Variants in LRIG1 observed in about 807,000 individuals in gnomAD.
LRIG1 encodes leucine-rich repeats and immunoglobulin-like domains protein 1.
A neutral mutation model predicts 99.2 loss-of-function variants in LRIG1; 48 were observed. The observed-to-expected ratio is 0.48, with a 90% CI of 0.38 to 0.62. The LOEUF is 0.62. Among genes scored for constraint, LRIG1 ranks in the 20% least tolerant of loss-of-function variants. The probability of loss-of-function intolerance (pLI) is 0.00; values close to 1 mark genes in which losing one functional copy is unlikely to be tolerated. For missense variants in LRIG1, 1,646 were observed against 1,434.4 expected, an observed-to-expected ratio of 1.15 and a Z score of -2.38; for synonymous variants, 772 against 596.1, an observed-to-expected ratio of 1.29 and a Z score of -4.30.
intron 3 of LRIG1, among the ~76,000 whole-genome samples, chr3:66,438,229 A>T (rs1703425546): frequency 6.6e-6 from 1 of 152,130 alleles, no homozygotes; most frequent in Non-Finnish European, 1.5e-5. Context: ...CTCCACGCAG[A>T]CTCTGCAACA....
At chr3:66,468,576 AGT>A (rs1218654410) in intron 1 of LRIG1, among the ~76,000 whole-genome samples, 1 of 152,192 alleles carries the variant, frequency 6.6e-6, no homozygotes, top group Non-Finnish European at 1.5e-5. Context: ...ACAGCTGGAA[AGT>A]AAGTGTGAGG....
At chr3:66,493,244 A>G (rs1425337090) in intron 1 of LRIG1, among the ~76,000 whole-genome samples, 1 of 152,182 alleles carries the variant, frequency 6.6e-6, no homozygotes, top group Non-Finnish European at 1.5e-5. Context: ...AGTTTCAATG[A>G]AACCCTGGGA....
At chr3:66,401,690 G>T (rs985796881) in intron 9 of LRIG1, 2 of 1,522,712 alleles carry the variant, frequency 1.3e-6, no homozygotes, top group Non-Finnish European at 8.8e-7. Context: ...GCTGCTGCCA[G>T]GAGAAAGGAG....
In LRIG1 at chr3:66,381,732, T is replaced by A. The variant is rs535967894; in HGVS notation, c.2618-101A>T. The stretch of plus-strand genomic sequence containing the variant: ...AGGCCGCTAGAACAGTCATTTTTTT[T>A]AAAAAGTTCTTCAGAGCGGTGGGGC... On this transcript the variant is annotated intron_variant, in intron 16 of 18. Transcript: ENST00000273261. 1,007 of 1,345,924 alleles carry A rather than the reference T, an allele frequency of 7.5e-4. 3 individuals are homozygous for A. Among genetic ancestry groups the A allele is most frequent in the African/African-American group, 6.3e-3 (430 of 68,666 alleles). 83.4% of individuals were successfully genotyped at this position (1,345,924 alleles called of 1,614,324 possible).
chr3:66,396,085 C>T (rs1701838813), intron 11 of LRIG1, among the ~76,000 whole-genome samples: 1 of 152,238 alleles, frequency 6.6e-6, no homozygotes, highest in South Asian at 2.1e-4. Flanking sequence ...CTACACACGC[C>T]CTGGACGTGT....
chr3:66,421,840 C>T (rs1240367322), intron 3 of LRIG1, among the ~76,000 whole-genome samples: 3 of 152,236 alleles, frequency 2.0e-5, no homozygotes, highest in Non-Finnish European at 4.4e-5. Flanking sequence ...GCCCCTGCAG[C>T]AAACTTCTAC....
intron 1 of LRIG1, among the ~76,000 whole-genome samples, chr3:66,489,308 G>A (rs570941208): frequency 6.6e-6 from 1 of 152,286 alleles, no homozygotes; most frequent in South Asian, 2.1e-4. Context: ...AGGATCACTT[G>A]AGCCCAGGAG....
At chr3:66,410,388 T>A (rs1702426599) in intron 6 of LRIG1, 116 bp from the exon 7 acceptor site, 1 of 983,670 alleles carries the variant, frequency 1.0e-6, no homozygotes, top group Admixed American at 2.4e-5. Flanking sequence ...GCTAGAACAG[T>A]GCACGACAGA....
At chr3:66,480,004 C>T (rs759330264) in intron 1 of LRIG1, among the ~76,000 whole-genome samples, 15 of 152,158 alleles carry the variant, frequency 9.9e-5, no homozygotes, top group African/African-American at 2.7e-4. Flanking sequence ...CAAAAACTTA[C>T]GCACAAATGT....
At chr3:66,441,861 G>A (rs889938058) in intron 3 of LRIG1, among the ~76,000 whole-genome samples, 1 of 152,194 alleles carries the variant, frequency 6.6e-6, no homozygotes, top group Non-Finnish European at 1.5e-5. Context: ...TCCTTGCTCT[G>A]TGACGTTGAG....
At chr3:66,444,097 T>C (rs1232791313) in intron 3 of LRIG1, among the ~76,000 whole-genome samples, 1 of 152,142 alleles carries the variant, frequency 6.6e-6, no homozygotes, top group Non-Finnish European at 1.5e-5. Context: ...AAGGTAAGTG[T>C]GCTAAAACTG....
chr3:66,385,521 C>T (rs544211665), intron 13 of LRIG1, among the ~76,000 whole-genome samples: 5 of 152,068 alleles, frequency 3.3e-5, no homozygotes, highest in Non-Finnish European at 5.9e-5. Context: ...GGAGTGATCT[C>T]GGCTCACTGC....
chr3:66,404,728 A>G (rs748143736), intron 9 of LRIG1, among the ~76,000 whole-genome samples: 9 of 152,154 alleles, frequency 5.9e-5, no homozygotes, highest in Non-Finnish European at 1.0e-4. Flanking sequence ...CCCAAACCAT[A>G]CATTCAAAAT....
At chr3:66,383,423 C>G in intron 14 of LRIG1, 22 bp from the exon 15 acceptor site, 1 of 1,521,024 alleles carries the variant, frequency 6.6e-7, no homozygotes, top group Non-Finnish European at 8.8e-7. Context: ...CAACAGAGAT[C>G]TTAGTCATTC....
rs1701335820 is a variant in LRIG1 at position 66,500,546 on chromosome 3, T to C, written c.-139A>G. On this transcript the variant is annotated 5_prime_UTR_variant, in exon 1 of 19. Coordinates refer to ENST00000273261, the MANE Select transcript of LRIG1 (RefSeq NM_015541.3). The stretch of plus-strand genomic sequence containing the variant: ...CATGGCCCCCGCCCCAAGTTCTCTC[T>C]GCGGCCGCGGCTCCGGCACTCAGCG... The C allele has an allele frequency of 2.4e-6, 1 of 422,810 alleles. No homozygotes were observed. Among genetic ancestry groups the C allele is most frequent in the Non-Finnish European group, 3.9e-6 (1 of 254,422 alleles). The allele number at this position is 422,810 out of a possible 1,614,324, so 26.2% of individuals were successfully genotyped here.
chr3:66,382,530 A>G (rs762185205), intron 15 of LRIG1, 132 bp from the exon 16 acceptor site: 16 of 1,060,160 alleles, frequency 1.5e-5, no homozygotes, highest in Non-Finnish European at 2.3e-5. Flanking sequence ...GATGACATGG[A>G]GTCCATGTAC....
chr3:66,435,136 A>C (rs1347702473), intron 3 of LRIG1, among the ~76,000 whole-genome samples: 1 of 152,196 alleles, frequency 6.6e-6, no homozygotes, highest in Non-Finnish European at 1.5e-5. Context: ...ACATACAATA[A>C]CCTAGATGAA....
chr3:66,453,723 G>A (rs568542371), intron 2 of LRIG1, among the ~76,000 whole-genome samples: 1 of 152,178 alleles, frequency 6.6e-6, no homozygotes, highest in Non-Finnish European at 1.5e-5. Context: ...AACCAGAGGA[G>A]AGCAGCGGGC....
At chr3:66,428,373 C>T (rs1455466148) in intron 3 of LRIG1, among the ~76,000 whole-genome samples, 1 of 152,118 alleles carries the variant, frequency 6.6e-6, no homozygotes, top group African/African-American at 2.4e-5. Context: ...CCAAAAAACA[C>T]ATTAGGAATA....
Sources: allele counts gnomAD v4.1 joint callset (sites outside exome capture counted in the v4.1 genomes callset), GRCh38; gene constraint gnomAD v4.1.1; transcripts MANE v1.5; gene names NCBI Gene and HGNC (gene_info 2026-07-23, HGNC 2026-07-21).